Variants in GPC6 observed in about 807,000 individuals in gnomAD.
GPC6 encodes glypican 6, also known as glypican-6.
GPC6 carries 14 observed loss-of-function variants against 55.2 expected under a neutral mutation model. The observed-to-expected ratio is 0.25, with a 90% confidence interval of 0.17 to 0.40. The LOEUF is 0.40. GPC6 is among the 10% of genes least tolerant of loss of function. The pLI, the probability that GPC6 is intolerant of heterozygous loss-of-function variation, is 1.00. For missense variants in GPC6, 641 were observed against 708.5 expected, an observed-to-expected ratio of 0.90 and a Z score of 1.08; for synonymous variants, 278 against 259.6, an observed-to-expected ratio of 1.07 and a Z score of -0.68.
chr13:93,643,153 A>G (rs1382757984), intron 2 of GPC6, among the ~76,000 whole-genome samples: 4 of 152,102 alleles, frequency 2.6e-5, no homozygotes, highest in African/African-American at 9.7e-5. Flanking sequence ...TGAGTTCCTC[A>G]TATTTAGTAT....
chr13:93,243,083 G>A (rs752194863), intron 1 of GPC6, among the ~76,000 whole-genome samples: 11 of 152,288 alleles, frequency 7.2e-5, no homozygotes, highest in African/African-American at 2.4e-4. Context: ...TCCCCAGATC[G>A]CAGCCCGCTC....
At chr13:94,194,301 T>A (rs1336520875) in intron 4 of GPC6, among the ~76,000 whole-genome samples, 1 of 152,216 alleles carries the variant, frequency 6.6e-6, no homozygotes, top group Non-Finnish European at 1.5e-5. Flanking sequence ...TATCTGGACA[T>A]AATTACAATG....
intron 2 of GPC6, among the ~76,000 whole-genome samples, chr13:93,817,807 G>A (rs1248201769): frequency 2.0e-5 from 3 of 151,802 alleles, no homozygotes; most frequent in South Asian, 2.1e-4. Flanking sequence ...TTGCAGAGCC[G>A]AGATGGTGCC....
intron 2 of GPC6, among the ~76,000 whole-genome samples, chr13:93,692,872 A>G (rs1317323167): frequency 6.6e-6 from 1 of 152,146 alleles, no homozygotes; most frequent in Non-Finnish European, 1.5e-5. Context: ...TAAGTGAATA[A>G]AAGTACTCTA....
chr13:94,158,357 T>G (rs1015014264), intron 4 of GPC6, among the ~76,000 whole-genome samples: 2 of 145,000 alleles, frequency 1.4e-5, no homozygotes, highest in East Asian at 4.1e-4. Context: ...TTACCCTTTC[T>G]TGTACATATT....
intron 2 of GPC6, among the ~76,000 whole-genome samples, chr13:93,555,792 T>C (rs1290199773): frequency 6.6e-6 from 1 of 152,172 alleles, no homozygotes; most frequent in Non-Finnish European, 1.5e-5. Flanking sequence ...ATATACAGAT[T>C]GCTGGGTTCA....
At chr13:93,307,021 A>G (rs1409321904) in intron 1 of GPC6, among the ~76,000 whole-genome samples, 1 of 152,160 alleles carries the variant, frequency 6.6e-6, no homozygotes, top group Non-Finnish European at 1.5e-5. Context: ...TGCTGAATAA[A>G]TGATTTTTGA....
chr13:94,149,543 G>A (rs935431738), intron 4 of GPC6, among the ~76,000 whole-genome samples: 1 of 152,146 alleles, frequency 6.6e-6, no homozygotes, highest in Non-Finnish European at 1.5e-5. Flanking sequence ...ACAGTTAGAA[G>A]AAGAGGGACT....
intron 3 of GPC6, among the ~76,000 whole-genome samples, chr13:94,026,769 C>A (rs1882914750): frequency 6.6e-6 from 1 of 152,022 alleles, no homozygotes; most frequent in Non-Finnish European, 1.5e-5. Flanking sequence ...GAAGGGGAAG[C>A]AAACACATCC....
chr13:94,100,819 A>G (rs1474288300), intron 4 of GPC6, among the ~76,000 whole-genome samples: 1 of 152,240 alleles, frequency 6.6e-6, no homozygotes, highest in Non-Finnish European at 1.5e-5. Flanking sequence ...GCTAATGATA[A>G]TAATTTCTTT....
At chr13:94,346,151 G>A (rs748093937) in intron 6 of GPC6, among the ~76,000 whole-genome samples, 7 of 152,160 alleles carry the variant, frequency 4.6e-5, no homozygotes, top group Non-Finnish European at 1.0e-4. Context: ...ATTCTGGTAT[G>A]AGCCCATCTT....
chr13:93,677,579 TGGTC>T (rs1881683695), intron 2 of GPC6, among the ~76,000 whole-genome samples: 1 of 152,124 alleles, frequency 6.6e-6, no homozygotes, highest in African/African-American at 2.4e-5. Context: ...GGCATTGAAA[TGGTC>T]GGTTGAGACT....
At chr13:93,362,451 G>A (rs1165643428) in intron 1 of GPC6, among the ~76,000 whole-genome samples, 1 of 152,130 alleles carries the variant, frequency 6.6e-6, no homozygotes, top group African/African-American at 2.4e-5. Context: ...GAATGTAAGG[G>A]TGGGAAAATC....
At chr13:93,872,503 T>C (rs1280217538) in intron 3 of GPC6, among the ~76,000 whole-genome samples, 1 of 151,982 alleles carries the variant, frequency 6.6e-6, no homozygotes, top group Non-Finnish European at 1.5e-5. Flanking sequence ...TGGGCTAAAA[T>C]CAAGGTGTTC....
chr13:93,460,169 G>A (rs891429527), intron 1 of GPC6, among the ~76,000 whole-genome samples: 3 of 152,308 alleles, frequency 2.0e-5, no homozygotes, highest in South Asian at 4.1e-4. Flanking sequence ...CCCAGTTTCT[G>A]GTTATGAACT....
chr13:93,464,436 A>C (rs1447139643), intron 1 of GPC6, among the ~76,000 whole-genome samples: 1 of 152,156 alleles, frequency 6.6e-6, no homozygotes, highest in South Asian at 2.1e-4. Context: ...AATGTTCTAA[A>C]TATTTTGTTG....
intron 2 of GPC6, among the ~76,000 whole-genome samples, chr13:93,658,064 A>G (rs901910139): frequency 1.3e-5 from 2 of 152,078 alleles, no homozygotes; most frequent in Non-Finnish European, 2.9e-5. Flanking sequence ...CCCTGAACCT[A>G]AAATAAATGT....
At chr13:94,141,690 A>G (rs960903265) in intron 4 of GPC6, among the ~76,000 whole-genome samples, 12 of 152,204 alleles carry the variant, frequency 7.9e-5, no homozygotes, top group Admixed American at 2.0e-4. Context: ...TAAAGCAGAG[A>G]AAAGTGACAA....
chr13:93,303,872 A>ATTTTT (rs33964040), intron 1 of GPC6, among the ~76,000 whole-genome samples: 5 of 128,940 alleles, frequency 3.9e-5, no homozygotes, highest in Non-Finnish European at 8.1e-5. Context: ...TGTAGATACT[A>ATTTTT]TTTTTTTTTT....
Sources: gnomAD v4.1 joint callset for allele counts (sites outside exome capture counted in the v4.1 genomes callset) on GRCh38, gnomAD v4.1.1 for gene constraint, MANE v1.5 for transcripts, NCBI Gene and HGNC (gene_info 2026-07-23, HGNC 2026-07-21) for gene names.